The following EMC3 variants were observed in gnomAD, a reference collection of about 807,000 sequenced individuals.
The protein encoded by EMC3 is 30 kDa protein.
Under a neutral mutation model 36.6 loss-of-function variants are expected in EMC3, and 13 were observed. The ratio of observed to expected loss-of-function variants is 0.35; its 90% CI spans 0.23 to 0.56. The LOEUF is 0.56. Ranked by LOEUF, EMC3 falls within the 20% of genes least tolerant of loss-of-function variation. The pLI is 0.84. For missense variants in EMC3, 220 were observed against 324.5 expected, an observed-to-expected ratio of 0.68 and a Z score of 2.47; for synonymous variants, 120 against 111.9, an observed-to-expected ratio of 1.07 and a Z score of -0.46.
At chr3:9,992,951 G>T in intron 1 of EMC3, 1 of 1,611,124 alleles carries the variant, frequency 6.2e-7, no homozygotes, top group Non-Finnish European at 8.5e-7. Context: ...TAAGAAATAA[G>T]ATTCGATCAG....
intron 3 of EMC3, among the ~76,000 whole-genome samples, chr3:9,975,263 G>A (rs1472905608): frequency 2.0e-5 from 3 of 152,138 alleles, no homozygotes; most frequent in African/African-American, 4.8e-5. Context: ...GCCAATAAAC[G>A]ATAAATGATG....
intron 1 of EMC3, among the ~76,000 whole-genome samples, chr3:9,984,062 C>G (rs1429236366): frequency 6.6e-6 from 1 of 151,366 alleles, no homozygotes; most frequent in Non-Finnish European, 1.5e-5. Flanking sequence ...TACAGCCCTT[C>G]TTTCTGTGGT....
chr3:9,977,041 T>C lies in EMC3; in HGVS notation c.223A>G (p.Thr75Ala), dbSNP rs1192534677. 7 of 1,592,632 alleles carry C rather than the reference T, an allele frequency of 4.4e-6. No homozygotes were observed. The highest frequency in any genetic ancestry group is 6.0e-6 in the Non-Finnish European group (7 of 1,172,136). The change falls in exon 3 of 8, where the codon ACA becomes GCA. Residue 75 changes from threonine to alanine, a missense_variant. Transcript: ENST00000245046. ...GGGTTGTTGAAATAATATTTTCGTG[T>C]CAAGAAAGACTAGTAAAAAAAAAAA... is the stretch of plus-strand genomic sequence containing the variant. ...GKYIPKQSFL[T>A]RKYYFNNPED...
intron 7 of EMC3, chr3:9,969,371 T>C: frequency 2.6e-6 from 3 of 1,145,452 alleles, no homozygotes; most frequent in Non-Finnish European, 3.2e-6. Context: ...AGGCTCTTAG[T>C]ATTGTTTTTT....
chr3:10,009,336 C>T (rs2086299679), intron 1 of EMC3, among the ~76,000 whole-genome samples: 1 of 152,158 alleles, frequency 6.6e-6, no homozygotes, highest in African/African-American at 2.4e-5. Flanking sequence ...CTGTGCAACA[C>T]GGAATGATGA....
intron 1 of EMC3, among the ~76,000 whole-genome samples, chr3:9,998,832 C>T (rs2086162569): frequency 2.0e-5 from 3 of 152,208 alleles, no homozygotes; most frequent in South Asian, 4.1e-4. Flanking sequence ...TCCTGGCTCA[C>T]TGCAACCTCC....
intron 1 of EMC3, among the ~76,000 whole-genome samples, chr3:9,993,953 A>G (rs1177396925): frequency 1.3e-5 from 2 of 152,308 alleles, no homozygotes; most frequent in Non-Finnish European, 2.9e-5. Context: ...CTTATAACTT[A>G]ACTTCTTTGA....
chr3:9,987,862 C>G, upstream of EMC3: 1 of 731,552 alleles, frequency 1.4e-6, no homozygotes, highest in African/African-American at 1.7e-5. Flanking sequence ...TACCTACCCA[C>G]TATGAATGAG....
At chr3:9,985,631 C>T (rs1345195694) in intron 1 of EMC3, among the ~76,000 whole-genome samples, 1 of 152,172 alleles carries the variant, frequency 6.6e-6, no homozygotes, top group African/African-American at 2.4e-5. Flanking sequence ...TGCCATGGCT[C>T]ACACCTGTAA....
chr3:9,981,420 T>C (rs2085910664), intron 1 of EMC3, among the ~76,000 whole-genome samples: 1 of 152,156 alleles, frequency 6.6e-6, no homozygotes, highest in African/African-American at 2.4e-5. Context: ...TCTTAAATTA[T>C]CCTGTATTTT....
At chr3:9,987,357 T>C (rs1359234037), upstream of EMC3, 5 of 964,472 alleles carry the variant, frequency 5.2e-6, no homozygotes, top group African/African-American at 3.5e-5. Context: ...CGTTCTTCTC[T>C]GGGGCTCCGC....
intron 1 of EMC3, chr3:9,992,945 A>T: frequency 5.6e-6 from 9 of 1,611,896 alleles, no homozygotes; most frequent in Non-Finnish European, 6.8e-6. Context: ...GGGTGCTAAG[A>T]AATAAGATTC....
At chr3:10,001,641 T>C (rs912739535) in intron 1 of EMC3, among the ~76,000 whole-genome samples, 1 of 152,130 alleles carries the variant, frequency 6.6e-6, no homozygotes, top group African/African-American at 2.4e-5. Context: ...TCAGTTTCAT[T>C]GGTCTATGTG....
chr3:9,967,033 G>A (rs1156248217), intron 7 of EMC3, among the ~76,000 whole-genome samples: 1 of 152,080 alleles, frequency 6.6e-6, no homozygotes, highest in African/African-American at 2.4e-5. Flanking sequence ...CAGAAAATGT[G>A]CACAGTAAGC....
intron 1 of EMC3, among the ~76,000 whole-genome samples, chr3:9,995,349 A>C (rs1575696099): frequency 6.6e-6 from 1 of 152,144 alleles, no homozygotes; most frequent in East Asian, 1.9e-4. Flanking sequence ...CCCATATGGG[A>C]AAAAGAAAGA....
At chr3:9,993,406 A>T (rs151100233) in intron 1 of EMC3, among the ~76,000 whole-genome samples, 1 of 152,376 alleles carries the variant, frequency 6.6e-6, no homozygotes, top group Non-Finnish European at 1.5e-5. Flanking sequence ...CAGTATATTA[A>T]CAGTATAGAA....
chr3:10,003,069 C>T (rs1157082587), intron 1 of EMC3: 1 of 456,674 alleles, frequency 2.2e-6, no homozygotes, highest in Non-Finnish European at 4.4e-6. Context: ...ACCCTGTGGC[C>T]TACCCCTATA....
chr3:9,967,294 G>A (rs573994887), intron 7 of EMC3, among the ~76,000 whole-genome samples: 3 of 136,082 alleles, frequency 2.2e-5, no homozygotes, highest in Admixed American at 7.2e-5. Flanking sequence ...CCCATCTATA[G>A]GCATGCACCA....
intron 1 of EMC3, among the ~76,000 whole-genome samples, chr3:9,985,399 T>C (rs552277293): frequency 2.0e-5 from 3 of 152,322 alleles, no homozygotes; most frequent in East Asian, 3.9e-4. Context: ...CCTGAGATGA[T>C]TTCTGAAAGT....
Sources: allele counts gnomAD v4.1 joint callset (sites outside exome capture counted in the v4.1 genomes callset), GRCh38; gene constraint gnomAD v4.1.1; transcripts MANE v1.5; gene names NCBI Gene and HGNC (gene_info 2026-07-23, HGNC 2026-07-21).